Variants in CALN1 observed in about 807,000 individuals in gnomAD.
CALN1 encodes calneuron 1.
CALN1 carries 17 observed loss-of-function variants against 30.6 expected under a neutral mutation model. The observed-to-expected ratio is 0.56, with a 90% CI of 0.38 to 0.83. The LOEUF (loss-of-function observed/expected upper bound fraction) is 0.83, where lower values mean the gene tolerates loss of function less well. Ranked by LOEUF, CALN1 falls within the 40% of genes least tolerant of loss-of-function variation. CALN1 has a pLI of 0.00. For synonymous variants in CALN1, 156 were observed against 131.4 expected, an observed-to-expected ratio of 1.19 and a Z score of -1.28; for missense variants, 291 against 354.9, an observed-to-expected ratio of 0.82 and a Z score of 1.45.
intron 5 of CALN1, among the ~76,000 whole-genome samples, chr7:71,900,193 G>A (rs1793773047): frequency 6.6e-6 from 1 of 152,114 alleles, no homozygotes; most frequent in African/African-American, 2.4e-5. Context: ...AAGAAAAGCA[G>A]TTAAGGTCAT....
chr7:72,209,765 G>A (rs575886889), intron 3 of CALN1, among the ~76,000 whole-genome samples: 10 of 152,028 alleles, frequency 6.6e-5, no homozygotes, highest in South Asian at 2.1e-4. Context: ...TTGTCTATTC[G>A]GGGCATTTCA....
intron 3 of CALN1, among the ~76,000 whole-genome samples, chr7:72,134,656 G>A (rs187245242): frequency 1.4e-4 from 22 of 152,282 alleles, no homozygotes; most frequent in Admixed American, 3.9e-4. Context: ...ATCTTTTACT[G>A]GTAGAAGGTC....
intron 3 of CALN1, among the ~76,000 whole-genome samples, chr7:72,134,744 A>T (rs1809386374): frequency 6.6e-6 from 1 of 152,202 alleles, no homozygotes; most frequent in Non-Finnish European, 1.5e-5. Flanking sequence ...AATTTCTTAA[A>T]ATAAGACAAC....
chr7:72,264,843 C>T (rs1796505717), intron 3 of CALN1, among the ~76,000 whole-genome samples: 1 of 152,174 alleles, frequency 6.6e-6, no homozygotes, highest in African/African-American at 2.4e-5. Flanking sequence ...CTACCTGCCT[C>T]CACCATCTGA....
At chr7:71,944,420 C>A (rs1277675575) in intron 5 of CALN1, among the ~76,000 whole-genome samples, 1 of 151,724 alleles carries the variant, frequency 6.6e-6, no homozygotes, top group Non-Finnish European at 1.5e-5. Flanking sequence ...CATGGTGAAA[C>A]CCTGTCTTTA....
At chr7:71,928,371 A>G (rs999918073) in intron 5 of CALN1, among the ~76,000 whole-genome samples, 1 of 150,426 alleles carries the variant, frequency 6.6e-6, no homozygotes, top group South Asian at 2.1e-4. Flanking sequence ...GGGAATGCCT[A>G]TCTTTCCATT....
chr7:72,370,276 T>C (rs1203680654), intron 2 of CALN1, among the ~76,000 whole-genome samples: 1 of 152,244 alleles, frequency 6.6e-6, no homozygotes, highest in African/African-American at 2.4e-5. Context: ...TTGCTGTATA[T>C]ATTTTACCTA....
At chr7:71,906,745 T>C (rs1398791133) in intron 5 of CALN1, among the ~76,000 whole-genome samples, 6 of 152,004 alleles carry the variant, frequency 3.9e-5, no homozygotes, top group African/African-American at 9.7e-5. Flanking sequence ...ATGAAGGAAA[T>C]AGATCTGGCA....
intron 4 of CALN1, among the ~76,000 whole-genome samples, chr7:72,024,804 G>A (rs1007767543): frequency 8.5e-5 from 13 of 152,268 alleles, no homozygotes; most frequent in African/African-American, 2.9e-4. Context: ...TAAAATACAA[G>A]CTCCTTTACA....
At chr7:72,270,604 T>A (rs1053375888) in intron 3 of CALN1, among the ~76,000 whole-genome samples, 3 of 151,866 alleles carry the variant, frequency 2.0e-5, no homozygotes, top group African/African-American at 7.3e-5. Flanking sequence ...ACACCCCATC[T>A]CTAAAAAAAA....
chr7:72,380,716 G>GATAGATAC (rs138046357), intron 2 of CALN1, among the ~76,000 whole-genome samples: 54,194 of 150,602 alleles, frequency 0.36, 9,912 homozygotes, highest in Middle Eastern at 0.48. Context: ...TAGATAGATA[G>GATAGATAC]ATAGATACAT....
rs146904949 is a variant in CALN1, at chr7:71,880,718, T to C, written c.502-70226A>G. Among the ~76,000 whole-genome samples, 1,425 of 152,318 alleles carry C rather than the reference T, an allele frequency of 9.4e-3. 11 individuals carry two copies. The highest frequency in any genetic ancestry group is 0.02 in the Admixed American group (301 of 15,292). ...TCTAAAAATAGAAAAATAAATAAGT[T>C]AAATAACTAACAATAAAATCCCCAG... On this transcript the variant is annotated intron_variant, in intron 5 of 6. Coordinates refer to ENST00000395275, the MANE Select transcript of CALN1 (RefSeq NM_031468.4).
chr7:72,242,931 A>T (rs929776945), intron 3 of CALN1, among the ~76,000 whole-genome samples: 1 of 152,212 alleles, frequency 6.6e-6, no homozygotes, highest in Non-Finnish European at 1.5e-5. Flanking sequence ...ACTGGCTTTT[A>T]ATTATTGCCA....
At chr7:72,111,764 T>G (rs1584964697) in intron 3 of CALN1, among the ~76,000 whole-genome samples, 1 of 148,312 alleles carries the variant, frequency 6.7e-6, no homozygotes, top group South Asian at 2.2e-4. Flanking sequence ...TTTTTTTTTT[T>G]GTTGGAGATG....
At chr7:72,026,617 T>C (rs1226051149) in intron 4 of CALN1, among the ~76,000 whole-genome samples, 1 of 151,900 alleles carries the variant, frequency 6.6e-6, no homozygotes, top group African/African-American at 2.4e-5. Context: ...GGTCTTGCTA[T>C]GTTGCCCAGG....
chr7:72,371,292 T>C (rs1388664048), intron 2 of CALN1, among the ~76,000 whole-genome samples: 1 of 152,192 alleles, frequency 6.6e-6, no homozygotes, highest in Admixed American at 6.5e-5. Flanking sequence ...TTTGCATGTA[T>C]GCATATGATA....
At chr7:72,362,330 C>CA (rs1163946391) in intron 2 of CALN1, among the ~76,000 whole-genome samples, 1 of 152,156 alleles carries the variant, frequency 6.6e-6, no homozygotes, top group East Asian at 1.9e-4. Flanking sequence ...CCACCATGTA[C>CA]AGTCGCAAGA....
rs10273983 is a variant in CALN1 at position 71,952,606 on chromosome 7, C to T, written c.501+71051G>A. Among the ~76,000 whole-genome samples, 724 of 152,312 alleles carry T rather than the reference C, an allele frequency of 4.8e-3. 6 individuals carry two copies. Among genetic ancestry groups the T allele is most frequent in the African/African-American group, 0.016 (664 of 41,580 alleles). On this transcript the variant is annotated intron_variant, in intron 5 of 6. Coordinates refer to ENST00000395275, the MANE Select transcript of CALN1 (RefSeq NM_031468.4). ...CATCACTTCCGTGACCCAAGGAAGCCATGGCTGCATTACTTTCATGACCCA... is the reference window on the plus strand; with the variant it reads ...CATCACTTCCGTGACCCAAGGAAGCTATGGCTGCATTACTTTCATGACCCA...
chr7:72,269,183 A>G (rs1796800908), intron 3 of CALN1, among the ~76,000 whole-genome samples: 1 of 152,184 alleles, frequency 6.6e-6, no homozygotes, highest in Non-Finnish European at 1.5e-5. Flanking sequence ...GTTGAAGCCT[A>G]TGTTATCCAG....
Sources: gnomAD v4.1 joint callset for allele counts (sites outside exome capture counted in the v4.1 genomes callset) on GRCh38, gnomAD v4.1.1 for gene constraint, MANE v1.5 for transcripts, NCBI Gene and HGNC (gene_info 2026-07-23, HGNC 2026-07-21) for gene names.